The following TMTC1 variants were observed in gnomAD, a reference collection of about 807,000 sequenced individuals.
TMTC1 encodes transmembrane O-mannosyltransferase targeting cadherins 1.
A neutral mutation model predicts 104.8 loss-of-function variants in TMTC1; 73 were observed. The ratio of observed to expected loss-of-function variants is 0.70; its 90% CI spans 0.58 to 0.85. TMTC1 has a LOEUF of 0.85. TMTC1 is among the 40% of genes least tolerant of loss of function. The probability of loss-of-function intolerance (pLI) is 0.00; values close to 1 mark genes in which losing one functional copy is unlikely to be tolerated. For synonymous variants in TMTC1, 434 were observed against 428.7 expected (o/e 1.01, Z -0.15); for missense variants, 1,035 against 1,096.1 (o/e 0.94, Z 0.79).
intron 9 of TMTC1, among the ~76,000 whole-genome samples, chr12:29,559,007 A>G (rs1437665550): frequency 1.3e-5 from 2 of 152,178 alleles, no homozygotes; most frequent in Non-Finnish European, 2.9e-5. Context: ...TTTGCTTTGT[A>G]TGTTCAGCAA....
chr12:29,647,925 T>A (rs544242475), intron 5 of TMTC1, among the ~76,000 whole-genome samples: 1 of 152,172 alleles, frequency 6.6e-6, no homozygotes, highest in Non-Finnish European at 1.5e-5. Context: ...CCCTTCAAAC[T>A]GGTAAGACAA....
chr12:29,584,568 A>C (rs1946075335), intron 7 of TMTC1, among the ~76,000 whole-genome samples: 1 of 151,944 alleles, frequency 6.6e-6, no homozygotes, highest in Non-Finnish European at 1.5e-5. Flanking sequence ...CATTAGGTAT[A>C]TCTCCTAATG....
intron 5 of TMTC1, among the ~76,000 whole-genome samples, chr12:29,644,400 A>G (rs1300286046): frequency 6.6e-6 from 1 of 151,778 alleles, no homozygotes; most frequent in African/African-American, 2.4e-5. Flanking sequence ...AAGACTACAA[A>G]TATGGTGCAG....
chr12:29,699,027 G>A (rs1440137517), intron 5 of TMTC1, among the ~76,000 whole-genome samples: 1 of 152,188 alleles, frequency 6.6e-6, no homozygotes, highest in Non-Finnish European at 1.5e-5. Context: ...GACTGGGAGA[G>A]GACCAACTGG....
intron 7 of TMTC1, among the ~76,000 whole-genome samples, chr12:29,585,400 C>G (rs1348721530): frequency 6.6e-6 from 1 of 152,080 alleles, no homozygotes; most frequent in Non-Finnish European, 1.5e-5. Context: ...TGCCTGTTTA[C>G]TCTGATGGTA....
chr12:29,571,647 AT>A (rs574444996), intron 9 of TMTC1, among the ~76,000 whole-genome samples: 2 of 150,536 alleles, frequency 1.3e-5, no homozygotes, highest in Non-Finnish European at 3.0e-5. Flanking sequence ...TTGTCTTATC[AT>A]TTTTTTTCTA....
chr12:29,666,384 ATTT>A (rs1376039384), intron 5 of TMTC1: 10 of 301,902 alleles, frequency 3.3e-5, no homozygotes, highest in East Asian at 1.1e-4. Context: ...TGCCTGGCTA[ATTT>A]TTTTTTTGTT....
intron 10 of TMTC1, among the ~76,000 whole-genome samples, chr12:29,542,772 C>T (rs1325098551): frequency 6.6e-6 from 1 of 151,994 alleles, no homozygotes; most frequent in African/African-American, 2.4e-5. Flanking sequence ...GTGGCACTGG[C>T]TGGTTAATTT....
At position 29,544,010 on chromosome 12, in the gene TMTC1, A is replaced by C. The variant is rs149817256; in HGVS notation, c.1677-7693T>G. ...TGTAATCTCAATACTTTGGGAGGCCAAGGTGGGCAGATCACCTGAGGTCAG... is the reference window on the plus strand; with the variant it reads ...TGTAATCTCAATACTTTGGGAGGCCCAGGTGGGCAGATCACCTGAGGTCAG... On this transcript the variant is annotated intron_variant, in intron 10 of 17. Transcript: ENST00000539277. Among the ~76,000 whole-genome samples, 13 of 152,216 alleles carry C rather than the reference A, an allele frequency of 8.5e-5. 1 individual carries two copies. The East Asian group carries it at 2.5e-3, about 29-fold the overall frequency.
chr12:29,558,068 T>C (rs774893850), intron 9 of TMTC1, among the ~76,000 whole-genome samples: 1 of 152,218 alleles, frequency 6.6e-6, no homozygotes, highest in Admixed American at 6.5e-5. Flanking sequence ...AAATTTATAC[T>C]GATTAAGGTA....
intron 10 of TMTC1, among the ~76,000 whole-genome samples, chr12:29,547,356 C>T (rs1001994250): frequency 2.6e-5 from 4 of 152,156 alleles, no homozygotes; most frequent in Admixed American, 6.5e-5. Flanking sequence ...TTTAAAACAA[C>T]GCAACCTCAA....
At chr12:29,600,610 T>TC (rs1222201351) in intron 7 of TMTC1, among the ~76,000 whole-genome samples, 1 of 152,176 alleles carries the variant, frequency 6.6e-6, no homozygotes, top group Non-Finnish European at 1.5e-5. Context: ...ATTCAAATAT[T>TC]CCTAAGATTC....
chr12:29,522,552 CAATG>C (rs1944201593), intron 11 of TMTC1, among the ~76,000 whole-genome samples: 1 of 102,310 alleles, frequency 9.8e-6, no homozygotes, highest in Admixed American at 9.0e-5. Flanking sequence ...GAAGGACTGA[CAATG>C]TGTGTGTGTG....
intron 1 of TMTC1, among the ~76,000 whole-genome samples, chr12:29,779,641 G>A (rs763527208): frequency 7.2e-5 from 11 of 152,066 alleles, no homozygotes; most frequent in African/African-American, 1.2e-4. Flanking sequence ...CTCAGTATGC[G>A]TAAGATACAT....
chr12:29,617,849 G>A (rs767371329), intron 6 of TMTC1, among the ~76,000 whole-genome samples: 1 of 152,144 alleles, frequency 6.6e-6, no homozygotes, highest in Non-Finnish European at 1.5e-5. Context: ...GAACCTGTCA[G>A]GCCATTATAA....
At chr12:29,611,958 T>C (rs1184693690) in intron 6 of TMTC1, among the ~76,000 whole-genome samples, 2 of 152,052 alleles carry the variant, frequency 1.3e-5, no homozygotes, top group Non-Finnish European at 2.9e-5. Flanking sequence ...GTAGGTATAA[T>C]TATCTCCATT....
chr12:29,545,544 G>T (rs542469936), intron 10 of TMTC1, among the ~76,000 whole-genome samples: 1 of 151,256 alleles, frequency 6.6e-6, no homozygotes, highest in Non-Finnish European at 1.5e-5. Context: ...GGAGGCTGAG[G>T]CAGGAGAATC....
rs553068557 is a variant in TMTC1, at chr12:29,597,144, A to G, written c.1250+7034T>C. On this transcript the variant is annotated intron_variant, in intron 7 of 17. Coordinates refer to ENST00000539277, the MANE Select transcript of TMTC1 (RefSeq NM_001193451.2). ...TTCTTGTGTGGCCCTCTCAGTGTCC[A>G]GGGCCTCATTTCCTCCTGACGTTCC... Among the ~76,000 whole-genome samples, 8 of 152,098 alleles carry G rather than the reference A, an allele frequency of 5.3e-5. No individual in the cohort carries two copies. In the South Asian group the frequency reaches 1.7e-3, roughly 32 times the overall value.
intron 3 of TMTC1, among the ~76,000 whole-genome samples, chr12:29,756,802 G>A (rs78494926): frequency 0.01 from 1,552 of 152,238 alleles, 35 homozygotes; most frequent in African/African-American, 0.035. Flanking sequence ...TAGAACAATT[G>A]CATAACATTA....
Sources: allele counts gnomAD v4.1 joint callset (sites outside exome capture counted in the v4.1 genomes callset), GRCh38; gene constraint gnomAD v4.1.1; transcripts MANE v1.5; gene names NCBI Gene and HGNC (gene_info 2026-07-23, HGNC 2026-07-21).